FOXP1: variants seen among roughly 807,000 people sequenced by gnomAD.
FOXP1 encodes forkhead box protein P1.
Under a neutral mutation model 98.2 loss-of-function variants are expected in FOXP1, and 15 were observed. The ratio of observed to expected loss-of-function variants is 0.15; its 90% confidence interval spans 0.10 to 0.24. The LOEUF is 0.24. Ranked by LOEUF, FOXP1 falls within the 10% of genes least tolerant of loss-of-function variation. FOXP1 has a pLI of 1.00. For synonymous variants in FOXP1, 371 were observed against 314.5 expected, an observed-to-expected ratio of 1.18 and a Z score of -1.90; for missense variants, 633 against 848.5, an observed-to-expected ratio of 0.75 and a Z score of 3.15.
rs111601712 is a variant in FOXP1 at position 71,532,022 on chromosome 3, G to T, written c.-297-38467C>A. Among the ~76,000 whole-genome samples the T allele has an allele frequency of 5.5e-3, 834 of 152,258 alleles. 11 individuals are homozygous for T. Among genetic ancestry groups the T allele is most frequent in the African/African-American group, 0.019 (794 of 41,536 alleles). On this transcript the variant is annotated intron_variant, in intron 2 of 20. Transcript: ENST00000649528. ...TTCAATGAAATCTCAAGTCCTACAG[G>T]CTTCCATTGACTTAATAGGCAGTCT...
intron 7 of FOXP1, among the ~76,000 whole-genome samples, chr3:71,097,661 G>A (rs939562239): frequency 2.0e-5 from 3 of 152,178 alleles, no homozygotes; most frequent in African/African-American, 7.2e-5. Context: ...AATGCGCCTT[G>A]CAGGACTTGC....
chr3:71,491,962 A>G (rs747478231), intron 3 of FOXP1, among the ~76,000 whole-genome samples: 4 of 152,214 alleles, frequency 2.6e-5, no homozygotes, highest in Non-Finnish European at 5.9e-5. Context: ...TAATTGAAAT[A>G]AGCTAGAAAG....
At chr3:71,082,574 T>C (rs531334366) in intron 7 of FOXP1, among the ~76,000 whole-genome samples, 61 of 151,048 alleles carry the variant, frequency 4.0e-4, no homozygotes, top group African/African-American at 1.4e-3. Context: ...TGTATACCTA[T>C]GTAACAAACC....
chr3:71,458,599 T>C (rs1412510262), intron 3 of FOXP1, among the ~76,000 whole-genome samples: 2 of 152,188 alleles, frequency 1.3e-5, no homozygotes, highest in Non-Finnish European at 2.9e-5. Context: ...GAATATAGCA[T>C]TTACCTATCC....
intron 12 of FOXP1, among the ~76,000 whole-genome samples, chr3:71,007,622 C>T (rs376720813): frequency 2.6e-5 from 4 of 152,204 alleles, no homozygotes; most frequent in Admixed American, 6.5e-5. Flanking sequence ...GCCTCTTTGT[C>T]GAGGCTTTCT....
At chr3:71,506,363 G>T (rs1268255140) in intron 2 of FOXP1, among the ~76,000 whole-genome samples, 1 of 152,124 alleles carries the variant, frequency 6.6e-6, no homozygotes, top group Non-Finnish European at 1.5e-5. Flanking sequence ...TGTAAACCTT[G>T]AAACAGGGCA....
intron 6 of FOXP1, among the ~76,000 whole-genome samples, chr3:71,180,073 G>GTC (rs1052072164): frequency 3.3e-5 from 5 of 152,206 alleles, no homozygotes; most frequent in African/African-American, 1.2e-4. Flanking sequence ...TTATGCCATA[G>GTC]TCTCTCTGCC....
chr3:71,216,884 C>T (rs2108487493), intron 5 of FOXP1, among the ~76,000 whole-genome samples: 1 of 152,242 alleles, frequency 6.6e-6, no homozygotes, highest in South Asian at 2.1e-4. Flanking sequence ...TTGGTTGTCA[C>T]ACCTGGAGGA....
chr3:71,195,845 T>G (rs1490376769), intron 6 of FOXP1, among the ~76,000 whole-genome samples: 1 of 152,248 alleles, frequency 6.6e-6, no homozygotes, highest in African/African-American at 2.4e-5. Flanking sequence ...CATTGTAGAA[T>G]GCTCACATTT....
At position 71,104,028 on chromosome 3, in the gene FOXP1, C is replaced by T. The variant is rs148221638; in HGVS notation, c.282+8508G>A. 4.1e-3 allele frequency among the ~76,000 whole-genome samples: 617 copies of T among 152,116 alleles called. 4 individuals carry two copies. Among genetic ancestry groups the T allele is most frequent in the African/African-American group, 0.014 (581 of 41,510 alleles). On this transcript the variant is annotated intron_variant, in intron 7 of 20. Transcript: ENST00000649528. ...TCACTATTTTGGTTCTGAGATTTTG[C>T]TCAGAAGATTCACACAGGAAAAAGA...
intron 5 of FOXP1, among the ~76,000 whole-genome samples, chr3:71,249,280 G>A (rs755966181): frequency 1.3e-5 from 2 of 152,236 alleles, no homozygotes; most frequent in Non-Finnish European, 2.9e-5. Flanking sequence ...TCCTCTTCCT[G>A]GGTGGGAATG....
At chr3:71,247,990 G>C (rs2067884469) in intron 5 of FOXP1, among the ~76,000 whole-genome samples, 1 of 152,190 alleles carries the variant, frequency 6.6e-6, no homozygotes, top group Non-Finnish European at 1.5e-5. Context: ...AAAGAGAGCT[G>C]GCTGAACAGA....
At chr3:71,378,787 A>ATTT (rs2079921267) in intron 3 of FOXP1, among the ~76,000 whole-genome samples, 1 of 151,900 alleles carries the variant, frequency 6.6e-6, no homozygotes, top group Non-Finnish European at 1.5e-5. Context: ...TTCTGTACCT[A>ATTT]AGTTATAAAT....
At chr3:71,404,808 T>C (rs532805813) in intron 3 of FOXP1, among the ~76,000 whole-genome samples, 1 of 152,292 alleles carries the variant, frequency 6.6e-6, no homozygotes, top group East Asian at 1.9e-4. Context: ...TCACAAGGTT[T>C]TGAAAAGAGA....
At chr3:70,983,942 C>G (rs952223015) in intron 14 of FOXP1, among the ~76,000 whole-genome samples, 2 of 152,192 alleles carry the variant, frequency 1.3e-5, no homozygotes, top group Non-Finnish European at 2.9e-5. Context: ...AAATTAACCT[C>G]CAAGCAAGAC....
At chr3:71,444,883 G>T (rs1266554654) in intron 3 of FOXP1, among the ~76,000 whole-genome samples, 1 of 152,164 alleles carries the variant, frequency 6.6e-6, no homozygotes, top group African/African-American at 2.4e-5. Flanking sequence ...GGGGGGAGTG[G>T]GGATGGCCAT....
chr3:70,995,553 T>A (rs2041246251), intron 13 of FOXP1, among the ~76,000 whole-genome samples: 1 of 152,208 alleles, frequency 6.6e-6, no homozygotes, highest in South Asian at 2.1e-4. Flanking sequence ...CCCAAATGAT[T>A]TTTATGGTGT....
intron 3 of FOXP1, among the ~76,000 whole-genome samples, chr3:71,482,046 G>A (rs1482574759): frequency 2.0e-5 from 3 of 152,142 alleles, no homozygotes; most frequent in African/African-American, 7.2e-5. Flanking sequence ...GTGTTCACAT[G>A]CACATCTGAT....
chr3:71,471,947 C>T (rs2089396200), intron 3 of FOXP1, among the ~76,000 whole-genome samples: 1 of 152,148 alleles, frequency 6.6e-6, no homozygotes, highest in African/African-American at 2.4e-5. Flanking sequence ...TGTTCTACAG[C>T]CCTACTGGGA....
Sources: gnomAD v4.1 joint callset for allele counts (sites outside exome capture counted in the v4.1 genomes callset) on GRCh38, gnomAD v4.1.1 for gene constraint, MANE v1.5 for transcripts, NCBI Gene and HGNC (gene_info 2026-07-23, HGNC 2026-07-21) for gene names.